ARMC8: variants seen among roughly 807,000 people sequenced by gnomAD.
ARMC8 encodes the protein armadillo repeat containing 8.
In ARMC8, 20 loss-of-function variants were observed where a neutral mutation model predicts 99.3. The observed-to-expected ratio is 0.20, with a 90% CI of 0.14 to 0.29. The LOEUF (loss-of-function observed/expected upper bound fraction) is 0.29, where lower values mean the gene tolerates loss of function less well. Among genes scored for constraint, ARMC8 ranks in the 10% least tolerant of loss-of-function variants. The probability of loss-of-function intolerance (pLI) is 1.00; values close to 1 mark genes in which losing one functional copy is unlikely to be tolerated. For missense variants in ARMC8, 569 were observed against 809.5 expected, an observed-to-expected ratio of 0.70 and a Z score of 3.60; for synonymous variants, 263 against 278.3, an observed-to-expected ratio of 0.95 and a Z score of 0.55.
intron 18 of ARMC8, among the ~76,000 whole-genome samples, chr3:138,281,624 C>G (rs1029437403): frequency 6.6e-6 from 1 of 152,062 alleles, no homozygotes; most frequent in Non-Finnish European, 1.5e-5. Context: ...TGCTTGTCTC[C>G]ATAGGAATAT....
At chr3:138,240,792 C>T (rs2046573451) in intron 10 of ARMC8, among the ~76,000 whole-genome samples, 1 of 152,186 alleles carries the variant, frequency 6.6e-6, no homozygotes, top group African/African-American at 2.4e-5. Flanking sequence ...TCAATTTATA[C>T]TTCCACATTG....
At chr3:138,224,304 G>C (rs1388365155) in intron 5 of ARMC8, among the ~76,000 whole-genome samples, 2 of 152,114 alleles carry the variant, frequency 1.3e-5, no homozygotes, top group African/African-American at 2.4e-5. Flanking sequence ...AATTAGCCTG[G>C]TGCAATGGCT....
chr3:138,287,786 T>C, intron 19 of ARMC8: 1 of 405,264 alleles, frequency 2.5e-6, no homozygotes, highest in Non-Finnish European at 5.0e-6. Context: ...TGTCTTAGCC[T>C]TGAAAAAACC....
intron 3 of ARMC8, among the ~76,000 whole-genome samples, chr3:138,223,164 T>G (rs2045495760): frequency 6.6e-6 from 1 of 152,236 alleles, no homozygotes; most frequent in Non-Finnish European, 1.5e-5. Flanking sequence ...GATTTACACT[T>G]TTTATAAACT....
intron 18 of ARMC8, among the ~76,000 whole-genome samples, chr3:138,279,253 A>G (rs1386425958): frequency 6.6e-6 from 1 of 151,932 alleles, no homozygotes; most frequent in Non-Finnish European, 1.5e-5. Flanking sequence ...TTATTTTTAA[A>G]CCCCAAACAT....
intron 11 of ARMC8, among the ~76,000 whole-genome samples, chr3:138,243,711 A>G (rs1004038558): frequency 2.0e-5 from 3 of 152,136 alleles, no homozygotes; most frequent in Non-Finnish European, 2.9e-5. Flanking sequence ...ATATTACCCA[A>G]CTGAATTTCT....
intron 6 of ARMC8, among the ~76,000 whole-genome samples, chr3:138,234,198 G>A (rs777252475): frequency 4.6e-5 from 7 of 151,668 alleles, no homozygotes; most frequent in South Asian, 2.1e-4. Context: ...CTCCGCCTCC[G>A]CCTCCCGGGT....
At chr3:138,230,168 T>C (rs1052922469) in intron 6 of ARMC8, among the ~76,000 whole-genome samples, 1 of 152,188 alleles carries the variant, frequency 6.6e-6, no homozygotes, top group Non-Finnish European at 1.5e-5. Flanking sequence ...AGCAGAGATA[T>C]CAAACAATGC....
In ARMC8 at chr3:138,211,178, A is replaced by G. The variant is rs1236709492; in HGVS notation, c.122+1285A>G. Among the ~76,000 whole-genome samples, 4 of 152,058 alleles carry G rather than the reference A, an allele frequency of 2.6e-5. No individual in the cohort carries two copies. The East Asian group carries it at 5.8e-4, about 22-fold the overall frequency. ...CAAGTTCGTCAAGGGGGCAGGTTTT[A>G]CTTAACACTCTTCCTTAGACAGATA... On this transcript the variant is annotated intron_variant, in intron 2 of 21. Transcript: ENST00000469044.
At chr3:138,232,691 T>C (rs1176874801) in intron 6 of ARMC8, among the ~76,000 whole-genome samples, 2 of 152,158 alleles carry the variant, frequency 1.3e-5, no homozygotes, top group African/African-American at 2.4e-5. Flanking sequence ...CTGAGATAAA[T>C]TGTGAAGGAA....
intron 19 of ARMC8, 153 bp from the exon 20 acceptor site, chr3:138,288,895 C>T: frequency 1.7e-6 from 1 of 592,360 alleles, no homozygotes; most frequent in Non-Finnish European, 3.0e-6. Flanking sequence ...CCTTGGTCTC[C>T]CAAAGTGCTG....
intron 2 of ARMC8, among the ~76,000 whole-genome samples, chr3:138,216,104 G>C (rs1458069624): frequency 6.7e-6 from 1 of 148,606 alleles, no homozygotes; most frequent in Non-Finnish European, 1.5e-5. Context: ...GGCCAGGCTG[G>C]TCTTGAACTC....
At chr3:138,234,938 G>A in intron 6 of ARMC8, 96 bp from the exon 7 acceptor site, 2 of 950,230 alleles carry the variant, frequency 2.1e-6, no homozygotes, top group East Asian at 2.5e-5. Flanking sequence ...ATTCTGTACT[G>A]TAGTGAATGT....
chr3:138,259,931 T>C (rs1007840599), intron 12 of ARMC8, among the ~76,000 whole-genome samples: 1 of 152,202 alleles, frequency 6.6e-6, no homozygotes, highest in African/African-American at 2.4e-5. Flanking sequence ...CTTGTTTCAG[T>C]GTGTGGCCCC....
intron 6 of ARMC8, among the ~76,000 whole-genome samples, chr3:138,234,713 A>G (rs1237879402): frequency 6.6e-6 from 1 of 152,192 alleles, no homozygotes; most frequent in African/African-American, 2.4e-5. Context: ...GTGGCATTCT[A>G]TTTAATAATT....
chr3:138,187,292 C>G (rs1366811457), upstream of ARMC8: 1 of 428,924 alleles, frequency 2.3e-6, no homozygotes, highest in Non-Finnish European at 4.2e-6. Flanking sequence ...CATGCGGAAA[C>G]CGCTGCCCGC....
At chr3:138,247,289 A>G (rs1477725780) in intron 12 of ARMC8, among the ~76,000 whole-genome samples, 2 of 132,756 alleles carry the variant, frequency 1.5e-5, no homozygotes, top group Non-Finnish European at 3.4e-5. Context: ...TTAAAGTACA[A>G]TGTTTATTGT....
At chr3:138,215,931 G>T (rs1199358112) in intron 2 of ARMC8, among the ~76,000 whole-genome samples, 3 of 151,472 alleles carry the variant, frequency 2.0e-5, no homozygotes, top group Non-Finnish European at 4.4e-5. Context: ...TGCAATCTCG[G>T]CTCACTGCAA....
At chr3:138,235,193 TTCTTTG>T in intron 7 of ARMC8, 79 bp downstream of exon 7, 1 of 1,019,148 alleles carries the variant, frequency 9.8e-7, no homozygotes, top group Non-Finnish European at 1.5e-6. Context: ...TTTTTATTGT[TTCTTTG>T]ATAATTGTGA....
Sources: allele counts gnomAD v4.1 joint callset (sites outside exome capture counted in the v4.1 genomes callset), GRCh38; gene constraint gnomAD v4.1.1; transcripts MANE v1.5; gene names NCBI Gene and HGNC (gene_info 2026-07-23, HGNC 2026-07-21).